The following CAMK1D variants were observed in gnomAD, a reference collection of about 807,000 sequenced individuals.
The protein encoded by CAMK1D is calcium/calmodulin dependent protein kinase ID.
A neutral mutation model predicts 47.7 loss-of-function variants in CAMK1D; 9 were observed. That is an observed-to-expected ratio of 0.19 (90% CI 0.11 to 0.33). The LOEUF is 0.33. CAMK1D is among the 10% of genes least tolerant of loss of function. The probability of loss-of-function intolerance (pLI) is 1.00; values close to 1 mark genes in which losing one functional copy is unlikely to be tolerated. For missense variants in CAMK1D, 291 were observed against 488.7 expected, an observed-to-expected ratio of 0.60 and a Z score of 3.81; for synonymous variants, 184 against 184.9, an observed-to-expected ratio of 0.99 and a Z score of 0.04.
intron 2 of CAMK1D, among the ~76,000 whole-genome samples, chr10:12,637,540 A>G (rs927573575): frequency 2.0e-5 from 3 of 150,708 alleles, no homozygotes; most frequent in Non-Finnish European, 4.4e-5. Flanking sequence ...GGCAGGTTGC[A>G]GAAATGCCAA....
chr10:12,704,566 A>C (rs1833658497), intron 3 of CAMK1D, among the ~76,000 whole-genome samples: 1 of 152,222 alleles, frequency 6.6e-6, no homozygotes, highest in Non-Finnish European at 1.5e-5. Context: ...AAGAGGAAAA[A>C]AAAAAAGAAA....
intron 1 of CAMK1D, among the ~76,000 whole-genome samples, chr10:12,527,905 G>T (rs1274297490): frequency 6.6e-6 from 1 of 152,168 alleles, no homozygotes; most frequent in Non-Finnish European, 1.5e-5. Flanking sequence ...CCTGCAAGTT[G>T]TATGTCCCCT....
At chr10:12,759,205 C>T (rs1322490930) in intron 3 of CAMK1D, among the ~76,000 whole-genome samples, 2 of 152,070 alleles carry the variant, frequency 1.3e-5, no homozygotes, top group African/African-American at 2.4e-5. Context: ...AAAAATTAGC[C>T]GGGTGTGGTG....
chr10:12,772,880 G>T (rs1837105685), intron 5 of CAMK1D, among the ~76,000 whole-genome samples: 1 of 152,164 alleles, frequency 6.6e-6, no homozygotes, highest in Non-Finnish European at 1.5e-5. Context: ...GAGTAGGGAA[G>T]GGGCTGCTTT....
chr10:12,660,857 A>C (rs1840254552), intron 2 of CAMK1D, among the ~76,000 whole-genome samples: 1 of 152,226 alleles, frequency 6.6e-6, no homozygotes, highest in African/African-American at 2.4e-5. Flanking sequence ...TTTGAGAGTC[A>C]ACATCCCTTA....
chr10:12,732,016 G>T (rs533291906), intron 3 of CAMK1D, among the ~76,000 whole-genome samples: 50 of 152,254 alleles, frequency 3.3e-4, no homozygotes, highest in African/African-American at 1.2e-3. Context: ...GGCTGAGACG[G>T]GTGGGTCACG....
chr10:12,389,973 A>T (rs1052437990), intron 1 of CAMK1D, among the ~76,000 whole-genome samples: 1 of 152,058 alleles, frequency 6.6e-6, no homozygotes, highest in Admixed American at 6.6e-5. Context: ...TGTGCTGTGC[A>T]TGGGAGGTCC....
At chr10:12,660,067 G>A (rs573382708) in intron 2 of CAMK1D, among the ~76,000 whole-genome samples, 1 of 152,110 alleles carries the variant, frequency 6.6e-6, no homozygotes, top group Non-Finnish European at 1.5e-5. Context: ...TTCATCTGGC[G>A]TTCATAACCT....
intron 1 of CAMK1D, among the ~76,000 whole-genome samples, chr10:12,513,496 A>G (rs1297955839): frequency 1.3e-5 from 2 of 152,132 alleles, no homozygotes; most frequent in African/African-American, 4.8e-5. Flanking sequence ...TATAAAAAGT[A>G]CTTAATTAGG....
intron 1 of CAMK1D, among the ~76,000 whole-genome samples, chr10:12,481,671 G>A (rs547442482): frequency 4.3e-4 from 66 of 152,184 alleles, no homozygotes; most frequent in African/African-American, 1.5e-3. Flanking sequence ...CACCACGCCC[G>A]GCTAATTTTT....
At chr10:12,661,808 T>A (rs1360138666) in intron 2 of CAMK1D, among the ~76,000 whole-genome samples, 1 of 152,242 alleles carries the variant, frequency 6.6e-6, no homozygotes, top group Non-Finnish European at 1.5e-5. Context: ...ACAGCAAAAT[T>A]CTGGAACAGA....
intron 6 of CAMK1D, among the ~76,000 whole-genome samples, chr10:12,810,620 C>T (rs190542122): frequency 7.3e-4 from 111 of 152,208 alleles, no homozygotes; most frequent in African/African-American, 2.3e-3. Flanking sequence ...GAGATGGGGG[C>T]GGAGAGGCAG....
intron 1 of CAMK1D, among the ~76,000 whole-genome samples, chr10:12,495,670 C>T (rs1834516956): frequency 6.6e-6 from 1 of 152,132 alleles, no homozygotes; most frequent in African/African-American, 2.4e-5. Context: ...GATGAAAATA[C>T]TCCAACAGGT....
At chr10:12,643,939 C>G (rs188660239) in intron 2 of CAMK1D, among the ~76,000 whole-genome samples, 1 of 151,966 alleles carries the variant, frequency 6.6e-6, no homozygotes, top group Non-Finnish European at 1.5e-5. Flanking sequence ...CCCATCACCC[C>G]CAGAGGAGAT....
chr10:12,567,866 A>G (rs1837172798), intron 2 of CAMK1D, among the ~76,000 whole-genome samples: 1 of 152,150 alleles, frequency 6.6e-6, no homozygotes, highest in South Asian at 2.1e-4. Context: ...TCGAGCTTGA[A>G]TCAGAATGGT....
chr10:12,392,378 C>G (rs1345502304), intron 1 of CAMK1D, among the ~76,000 whole-genome samples: 1 of 152,036 alleles, frequency 6.6e-6, no homozygotes, highest in Admixed American at 6.6e-5. Context: ...CCCTCTCCCC[C>G]CAGCCCCTGA....
In CAMK1D at chr10:12,373,758, G is replaced by A. The variant is rs190591843; in HGVS notation, c.92+23848G>A. Reference sequence around the variant, plus strand: ...CTCTGCATGGTGGGGACATGGGTTTGCGTCACATTTTCTCTGTTAAGAGCT... The same window carrying A: ...CTCTGCATGGTGGGGACATGGGTTTACGTCACATTTTCTCTGTTAAGAGCT... On this transcript the variant is annotated intron_variant, in intron 1 of 10. Transcript: ENST00000619168. Among the ~76,000 whole-genome samples the A allele has an allele frequency of 4.2e-4, 64 of 151,684 alleles. No homozygotes were observed. In the East Asian group the frequency reaches 0.011, roughly 27 times the overall value.
intron 1 of CAMK1D, among the ~76,000 whole-genome samples, chr10:12,410,680 T>C (rs1839626422): frequency 6.6e-6 from 1 of 152,184 alleles, no homozygotes; most frequent in South Asian, 2.1e-4. Flanking sequence ...TAGAATGTAT[T>C]TGACAACAGA....
intron 2 of CAMK1D, among the ~76,000 whole-genome samples, chr10:12,570,100 T>C (rs1008568857): frequency 3.3e-5 from 5 of 152,180 alleles, no homozygotes; most frequent in Admixed American, 2.6e-4. Context: ...CTCCGGAGGC[T>C]GAGGCAGGAG....
Sources: allele counts gnomAD v4.1 joint callset (sites outside exome capture counted in the v4.1 genomes callset), GRCh38; gene constraint gnomAD v4.1.1; transcripts MANE v1.5; gene names NCBI Gene and HGNC (gene_info 2026-07-23, HGNC 2026-07-21).